Variants in KCNIP4 observed in about 807,000 individuals in gnomAD.
KCNIP4 encodes the protein potassium voltage-gated channel interacting protein 4.
KCNIP4 carries 12 observed loss-of-function variants against 34.0 expected under a neutral mutation model. That is an observed-to-expected ratio of 0.35 (90% confidence interval 0.23 to 0.57). The LOEUF is 0.57. KCNIP4 is among the 20% of genes least tolerant of loss of function. KCNIP4 has a pLI of 0.83. For missense variants in KCNIP4, 238 were observed against 311.7 expected (o/e 0.76, Z 1.78); for synonymous variants, 124 against 102.2 (o/e 1.21, Z -1.29).
intron 2 of KCNIP4, among the ~76,000 whole-genome samples, chr4:20,862,901 A>G (rs1373376232): frequency 6.6e-6 from 1 of 152,192 alleles, no homozygotes; most frequent in Non-Finnish European, 1.5e-5. Flanking sequence ...TCTTGCTTAT[A>G]ATTGGGAGCT....
chr4:21,583,925 T>C (rs1438400748), intron 1 of KCNIP4, among the ~76,000 whole-genome samples: 1 of 152,070 alleles, frequency 6.6e-6, no homozygotes, highest in Admixed American at 6.6e-5. Context: ...TCTGTTCTTT[T>C]CTTGCATATG....
intron 1 of KCNIP4, among the ~76,000 whole-genome samples, chr4:21,857,492 C>A (rs1724831809): frequency 6.6e-6 from 1 of 151,974 alleles, no homozygotes; most frequent in South Asian, 2.1e-4. Flanking sequence ...ACAGGAGCTA[C>A]CCACCAGGGT....
At chr4:21,285,679 A>G (rs1003815307) in intron 1 of KCNIP4, among the ~76,000 whole-genome samples, 4 of 151,746 alleles carry the variant, frequency 2.6e-5, no homozygotes, top group Admixed American at 2.6e-4. Context: ...AAATCCAAAA[A>G]CAAAACAAAA....
intron 1 of KCNIP4, among the ~76,000 whole-genome samples, chr4:21,115,234 C>T (rs1478155159): frequency 6.6e-6 from 1 of 152,150 alleles, no homozygotes. Flanking sequence ...CAGTTTAATA[C>T]AGTTGCAATC....
chr4:21,933,195 C>T (rs1269742540), intron 1 of KCNIP4, among the ~76,000 whole-genome samples: 1 of 151,932 alleles, frequency 6.6e-6, no homozygotes, highest in Non-Finnish European at 1.5e-5. Context: ...GGTGCAGGGA[C>T]CAAGATCAGA....
At chr4:21,177,494 C>A (rs572943406) in intron 1 of KCNIP4, among the ~76,000 whole-genome samples, 3 of 152,034 alleles carry the variant, frequency 2.0e-5, no homozygotes, top group Non-Finnish European at 2.9e-5. Flanking sequence ...CTATTAAATG[C>A]GTAAGTAAAT....
intron 1 of KCNIP4, among the ~76,000 whole-genome samples, chr4:21,636,459 A>G (rs1228268574): frequency 3.3e-5 from 5 of 152,176 alleles, no homozygotes; most frequent in Non-Finnish European, 7.3e-5. Context: ...TAGTTTTCCT[A>G]TGTGAAGAGC....
intron 3 of KCNIP4, among the ~76,000 whole-genome samples, chr4:20,849,330 G>A (rs1720752187): frequency 2.0e-5 from 3 of 151,622 alleles, no homozygotes; most frequent in Non-Finnish European, 2.9e-5. Flanking sequence ...CAAGGAGAAG[G>A]GGCTGAGGAG....
chr4:21,233,944 T>TACATATA (rs1360887430), intron 1 of KCNIP4, among the ~76,000 whole-genome samples: 1 of 125,478 alleles, frequency 8.0e-6, no homozygotes, highest in Non-Finnish European at 1.6e-5. Flanking sequence ...ATATAAATAT[T>TACATATA]ACATATAACA....
At chr4:21,251,866 G>C (rs1190046060) in intron 1 of KCNIP4, among the ~76,000 whole-genome samples, 1 of 145,898 alleles carries the variant, frequency 6.9e-6, no homozygotes, top group Non-Finnish European at 1.5e-5. Flanking sequence ...CTGTGGTGGG[G>C]TGTGGGGAGG....
intron 1 of KCNIP4, among the ~76,000 whole-genome samples, chr4:21,321,175 T>C (rs1454778064): frequency 2.6e-5 from 4 of 152,186 alleles, no homozygotes; most frequent in Non-Finnish European, 4.4e-5. Flanking sequence ...ACTATGGTTA[T>C]TTGTTATGAA....
At chr4:20,735,282 T>C (rs1749311788) in intron 5 of KCNIP4, among the ~76,000 whole-genome samples, 1 of 152,172 alleles carries the variant, frequency 6.6e-6, no homozygotes, top group South Asian at 2.1e-4. Flanking sequence ...GATGGCTTTG[T>C]GTCTTCAGGC....
intron 1 of KCNIP4, among the ~76,000 whole-genome samples, chr4:21,047,419 A>G (rs947832559): frequency 6.6e-6 from 1 of 152,194 alleles, no homozygotes; most frequent in Non-Finnish European, 1.5e-5. Flanking sequence ...TTCCTATGTG[A>G]TAGACATTCT....
rs555721381 is a variant in KCNIP4 at position 20,992,116 on chromosome 4, A to T, written c.62-109407T>A. Reference sequence around the variant, plus strand: ...GTAGAGACTGTGTTAGTCCGTTCTCATACTACTATGAAGAAATACTCGAGA... The same window carrying T: ...GTAGAGACTGTGTTAGTCCGTTCTCTTACTACTATGAAGAAATACTCGAGA... On this transcript the variant is annotated intron_variant, in intron 1 of 8. Transcript: ENST00000382152. Among the ~76,000 whole-genome samples, 17 of 152,362 alleles carry T rather than the reference A, an allele frequency of 1.1e-4. 1 individual carries two copies. The South Asian group carries it at 3.5e-3, about 32-fold the overall frequency.
At chr4:20,743,860 C>T (rs1184681266) in intron 5 of KCNIP4, among the ~76,000 whole-genome samples, 1 of 151,722 alleles carries the variant, frequency 6.6e-6, no homozygotes, top group Non-Finnish European at 1.5e-5. Flanking sequence ...AAAATTTTCG[C>T]AACCTACTCA....
At chr4:21,906,497 C>G (rs900099669) in intron 1 of KCNIP4, among the ~76,000 whole-genome samples, 10 of 152,148 alleles carry the variant, frequency 6.6e-5, no homozygotes, top group African/African-American at 1.9e-4. Flanking sequence ...CACAGCCTGC[C>G]AGGGAGGATC....
chr4:21,756,337 C>T (rs975212394), intron 1 of KCNIP4, among the ~76,000 whole-genome samples: 15 of 152,084 alleles, frequency 9.9e-5, no homozygotes, highest in African/African-American at 1.2e-4. Context: ...GGGCAGGTCA[C>T]GAGGTCATGA....
Position 21,666,317 on chromosome 4 carries a change from C to A in KCNIP4, c.61+282254G>T, listed in dbSNP as rs1266804699. 2.0e-5 allele frequency among the ~76,000 whole-genome samples: 3 copies of A among 152,202 alleles called. No individual in the cohort carries two copies. In the East Asian group the frequency reaches 5.8e-4, roughly 29 times the overall value. ...TCTTTTTGTCATCAATAAGTTGAAT[C>A]TTGACTTCATTAGAGCCTATCCAAA... is the stretch of plus-strand genomic sequence containing the variant. On this transcript the variant is annotated intron_variant, in intron 1 of 8. Coordinates refer to ENST00000382152, the MANE Select transcript of KCNIP4 (RefSeq NM_025221.6).
At chr4:21,859,413 C>G (rs1038610528) in intron 1 of KCNIP4, among the ~76,000 whole-genome samples, 1 of 151,322 alleles carries the variant, frequency 6.6e-6, no homozygotes, top group Non-Finnish European at 1.5e-5. Context: ...TCGAGACCAT[C>G]CTGGCTAACA....
Sources: allele counts gnomAD v4.1 joint callset (sites outside exome capture counted in the v4.1 genomes callset), GRCh38; gene constraint gnomAD v4.1.1; transcripts MANE v1.5; gene names NCBI Gene and HGNC (gene_info 2026-07-23, HGNC 2026-07-21).